FHIT: variants seen among roughly 807,000 people sequenced by gnomAD.
FHIT encodes the protein bis(5'-adenosyl)-triphosphatase.
In FHIT, 19 loss-of-function variants were observed where a neutral mutation model predicts 17.9. The ratio of observed to expected loss-of-function variants is 1.06; its 90% CI spans 0.74 to 1.56. The LOEUF (loss-of-function observed/expected upper bound fraction) is 1.56, where lower values mean the gene tolerates loss of function less well. FHIT is among the 40% of genes most tolerant of loss of function. The pLI, the probability that FHIT is intolerant of heterozygous loss-of-function variation, is 0.00. For synonymous variants in FHIT, 81 were observed against 69.7 expected, an observed-to-expected ratio of 1.16 and a Z score of -0.81; for missense variants, 248 against 189.2, an observed-to-expected ratio of 1.31 and a Z score of -1.82.
chr3:59,762,585 C>T (rs865790565), intron 8 of FHIT, among the ~76,000 whole-genome samples: 5 of 152,254 alleles, frequency 3.3e-5, no homozygotes, highest in Middle Eastern at 6.8e-3. Flanking sequence ...ATGTCTAGTG[C>T]TCTTCTGATC....
At chr3:60,067,953 G>T (rs565802420) in intron 5 of FHIT, among the ~76,000 whole-genome samples, 1 of 151,968 alleles carries the variant, frequency 6.6e-6, no homozygotes, top group Non-Finnish European at 1.5e-5. Flanking sequence ...AATCACTCAG[G>T]GGCCCAGCAT....
In FHIT at chr3:60,173,534, G is replaced by C. The variant is rs147749952; in HGVS notation, c.104-159382C>G. 3.2e-4 allele frequency among the ~76,000 whole-genome samples: 48 copies of C among 152,166 alleles called. No homozygotes were observed. The East Asian group carries it at 8.3e-3, about 26-fold the overall frequency. ...TCCTTAAATGTACAACCTTTTCTCT[G>C]CAACAGCTTGTCCTTAAATCCAGGA... On this transcript the variant is annotated intron_variant, in intron 5 of 9. Coordinates refer to ENST00000492590, the MANE Select transcript of FHIT (RefSeq NM_002012.4).
chr3:60,090,737 T>C lies in FHIT; in HGVS notation c.104-76585A>G, dbSNP rs1703695524. Among the ~76,000 whole-genome samples, 2 of 152,018 alleles carry C rather than the reference T, an allele frequency of 1.3e-5. 1 individual carries two copies. Among genetic ancestry groups the C allele is most frequent in the Admixed American group, 1.3e-4 (2 of 15,246 alleles). ...GGCTGCTTTGATGCTTGGTTCAGAG[T>C]GTACCTGCCACCAGTCAGGCCACAC... On this transcript the variant is annotated intron_variant, in intron 5 of 9. Transcript: ENST00000492590.
chr3:61,225,736 A>G (rs1469358015), intron 1 of FHIT, among the ~76,000 whole-genome samples: 2 of 152,232 alleles, frequency 1.3e-5, no homozygotes, highest in Non-Finnish European at 2.9e-5. Flanking sequence ...TTTTAAAGCT[A>G]TCTCAAAATA....
intron 4 of FHIT, among the ~76,000 whole-genome samples, chr3:60,703,149 G>C (rs1181494840): frequency 6.6e-6 from 1 of 152,180 alleles, no homozygotes; most frequent in South Asian, 2.1e-4. Flanking sequence ...GACACGCAGA[G>C]AGAATACCAT....
chr3:61,235,591 A>C (rs1300723229), intron 1 of FHIT, among the ~76,000 whole-genome samples: 1 of 152,076 alleles, frequency 6.6e-6, no homozygotes, highest in Non-Finnish European at 1.5e-5. Context: ...AGTCCCAGCT[A>C]CTTGGGAGGC....
chr3:60,109,315 T>C (rs781009710), intron 5 of FHIT, among the ~76,000 whole-genome samples: 3 of 152,092 alleles, frequency 2.0e-5, no homozygotes, highest in Admixed American at 6.5e-5. Flanking sequence ...ATCAGCAGAG[T>C]TTGTGTTTGA....
At chr3:60,992,633 G>A (rs1022668132) in intron 3 of FHIT, among the ~76,000 whole-genome samples, 3 of 152,314 alleles carry the variant, frequency 2.0e-5, no homozygotes, top group Admixed American at 2.0e-4. Context: ...AGGACAATGG[G>A]GAAGTGTGTT....
At chr3:60,391,307 C>A (rs2687176) in intron 5 of FHIT, among the ~76,000 whole-genome samples, 63,263 of 151,992 alleles carry the variant, frequency 0.42, 14,326 homozygotes, top group East Asian at 0.67. Flanking sequence ...TATTTATTTT[C>A]TTTTTTAGAG....
At chr3:61,096,502 G>C (rs766513288) in intron 2 of FHIT, among the ~76,000 whole-genome samples, 3 of 152,160 alleles carry the variant, frequency 2.0e-5, no homozygotes, top group Non-Finnish European at 4.4e-5. Flanking sequence ...TCCAGCCGGG[G>C]ACACAGAGAA....
chr3:60,557,874 C>T (rs898566543), intron 4 of FHIT, among the ~76,000 whole-genome samples: 1 of 152,056 alleles, frequency 6.6e-6, no homozygotes, highest in African/African-American at 2.4e-5. Flanking sequence ...ATCTTAAAGG[C>T]TTTTGCTTTT....
intron 3 of FHIT, among the ~76,000 whole-genome samples, chr3:61,022,768 G>A (rs1433659217): frequency 1.3e-5 from 2 of 152,154 alleles, no homozygotes; most frequent in Non-Finnish European, 2.9e-5. Flanking sequence ...AATAGATGCA[G>A]AAAAGGCCTT....
intron 3 of FHIT, among the ~76,000 whole-genome samples, chr3:60,932,826 G>T (rs1030896588): frequency 1.4e-4 from 21 of 152,240 alleles, no homozygotes; most frequent in Admixed American, 1.1e-3. Flanking sequence ...GCCCCTAGCA[G>T]TTGGTACCTC....
intron 7 of FHIT, among the ~76,000 whole-genome samples, chr3:59,999,181 G>T (rs1445790690): frequency 6.6e-6 from 1 of 152,198 alleles, no homozygotes; most frequent in Non-Finnish European, 1.5e-5. Context: ...CCCTCCCTGG[G>T]AGAGAGAGCC....
At chr3:60,358,566 T>A (rs1212709812) in intron 5 of FHIT, among the ~76,000 whole-genome samples, 1 of 152,188 alleles carries the variant, frequency 6.6e-6, no homozygotes, top group East Asian at 1.9e-4. Flanking sequence ...AAAGCTAAGG[T>A]CATAGTGTTC....
At chr3:60,847,077 G>A (rs1273677063) in intron 3 of FHIT, among the ~76,000 whole-genome samples, 2 of 152,110 alleles carry the variant, frequency 1.3e-5, no homozygotes, top group Non-Finnish European at 2.9e-5. Flanking sequence ...ACCCACCTTG[G>A]CCTCCCAAAG....
intron 5 of FHIT, among the ~76,000 whole-genome samples, chr3:60,479,950 T>C (rs552398839): frequency 1.3e-5 from 2 of 152,356 alleles, no homozygotes; most frequent in South Asian, 4.1e-4. Flanking sequence ...TAATACTTGA[T>C]AATGATAATA....
intron 3 of FHIT, among the ~76,000 whole-genome samples, chr3:60,894,294 C>T (rs1705673912): frequency 6.6e-6 from 1 of 152,296 alleles, no homozygotes; most frequent in East Asian, 1.9e-4. Flanking sequence ...CATTATTGGA[C>T]ACTTTCTCCC....
At chr3:61,100,975 A>G (rs926808527) in intron 2 of FHIT, among the ~76,000 whole-genome samples, 1 of 152,098 alleles carries the variant, frequency 6.6e-6, no homozygotes. Flanking sequence ...TGTCAGATGA[A>G]TAGATTGCAA....
Sources: gnomAD v4.1 joint callset for allele counts (sites outside exome capture counted in the v4.1 genomes callset) on GRCh38, gnomAD v4.1.1 for gene constraint, MANE v1.5 for transcripts, NCBI Gene and HGNC (gene_info 2026-07-23, HGNC 2026-07-21) for gene names.